WDR64: variants seen among roughly 807,000 people sequenced by gnomAD.
The protein encoded by WDR64 is WD repeat-containing protein 64.
In WDR64, 112 loss-of-function variants were observed where a neutral mutation model predicts 139.3. The ratio of observed to expected loss-of-function variants is 0.80; its 90% CI spans 0.69 to 0.94. The LOEUF is 0.94. WDR64 is among the 40% of genes least tolerant of loss of function. The pLI, the probability that WDR64 is intolerant of heterozygous loss-of-function variation, is 0.00. For missense variants in WDR64, 1,206 were observed against 1,293.1 expected, an observed-to-expected ratio of 0.93 and a Z score of 1.03; for synonymous variants, 444 against 437.7, an observed-to-expected ratio of 1.01 and a Z score of -0.18.
rs1351999720 is a variant in WDR64, at chr1:241,723,170, G to T, written c.1055-127G>T. The T allele has an allele frequency of 8.1e-6, 10 of 1,227,002 alleles. No homozygotes were observed. The Admixed American group carries it at 2.4e-4, about 30-fold the overall frequency. The allele number at this position is 1,227,002 out of a possible 1,614,324, so 76.0% of individuals were successfully genotyped here. ...CTTAGCACATCAATCACAGAATAATGCATCCTGCCAGAAACGGACTGTGAT... is the reference window on the plus strand; with the variant it reads ...CTTAGCACATCAATCACAGAATAATTCATCCTGCCAGAAACGGACTGTGAT... On this transcript the variant is annotated intron_variant, in intron 9 of 27. Transcript: ENST00000437684.
At chr1:241,776,839 C>G (rs1304103025) in intron 21 of WDR64, among the ~76,000 whole-genome samples, 1 of 152,150 alleles carries the variant, frequency 6.6e-6, no homozygotes, top group African/African-American at 2.4e-5. Context: ...TTGCCTATGC[C>G]TAGAATACTT....
intron 2 of WDR64, among the ~76,000 whole-genome samples, chr1:241,666,911 A>G (rs918228195): frequency 3.3e-5 from 5 of 152,214 alleles, no homozygotes; most frequent in Non-Finnish European, 7.3e-5. Flanking sequence ...AGGTCATGTG[A>G]CTAGTAGACA....
chr1:241,677,949 C>T (rs1036409638), intron 4 of WDR64, among the ~76,000 whole-genome samples: 1 of 152,184 alleles, frequency 6.6e-6, no homozygotes, highest in East Asian at 1.9e-4. Context: ...GAAGTGTTAA[C>T]AGCACAGTCA....
At chr1:241,709,652 A>C (rs1164204913) in intron 8 of WDR64, among the ~76,000 whole-genome samples, 1 of 152,144 alleles carries the variant, frequency 6.6e-6, no homozygotes. Flanking sequence ...TGTGAGCCCC[A>C]GTTTTTGTAA....
chr1:241,660,397 T>C (rs1272003710), intron 1 of WDR64, 133 bp from the exon 2 acceptor site: 1 of 1,192,556 alleles, frequency 8.4e-7, no homozygotes, highest in African/African-American at 1.5e-5. Context: ...ACAAGGTCTT[T>C]AAAATGCAAA....
At chr1:241,674,298 AC>A (rs1262421780) in intron 3 of WDR64, among the ~76,000 whole-genome samples, 2 of 121,090 alleles carry the variant, frequency 1.7e-5, no homozygotes, top group Non-Finnish European at 3.2e-5. Flanking sequence ...TCGCTCTGTC[AC>A]CCAGGCTGGA....
intron 23 of WDR64, among the ~76,000 whole-genome samples, chr1:241,785,953 C>T (rs1204668703): frequency 5.9e-5 from 9 of 152,110 alleles, no homozygotes; most frequent in Non-Finnish European, 1.2e-4. Flanking sequence ...TGGGAGAGCT[C>T]CATGCATAGC....
chr1:241,776,279 A>G (rs1318756195), intron 21 of WDR64, among the ~76,000 whole-genome samples: 1 of 151,948 alleles, frequency 6.6e-6, no homozygotes, highest in Non-Finnish European at 1.5e-5. Context: ...GGGTTTTGCT[A>G]TGTTGGCCAG....
At chr1:241,655,706 T>TTC (rs1553359565) in intron 1 of WDR64, among the ~76,000 whole-genome samples, 259 of 145,674 alleles carry the variant, frequency 1.8e-3, no homozygotes, top group African/African-American at 6.3e-3. Flanking sequence ...TTTTCTTTTC[T>TTC]TTTTTTTTTT....
At chr1:241,739,210 G>C (rs1669442160) in intron 11 of WDR64, among the ~76,000 whole-genome samples, 1 of 152,132 alleles carries the variant, frequency 6.6e-6, no homozygotes, top group African/African-American at 2.4e-5. Context: ...AGAAACAAGG[G>C]GCCCTGCTAG....
At chr1:241,674,968 T>TCC (rs1553363038) in intron 4 of WDR64, among the ~76,000 whole-genome samples, 1 of 44,704 alleles carries the variant, frequency 2.2e-5, no homozygotes, top group African/African-American at 6.9e-5. Flanking sequence ...CCTCCCTTCT[T>TCC]TTTCTTTCCT....
intron 8 of WDR64, among the ~76,000 whole-genome samples, chr1:241,707,848 A>G (rs538310050): frequency 6.6e-6 from 1 of 152,350 alleles, no homozygotes; most frequent in East Asian, 1.9e-4. Context: ...AAGTGGAGAC[A>G]CTGTAGCTCA....
intron 22 of WDR64, among the ~76,000 whole-genome samples, chr1:241,780,382 T>C (rs560991446): frequency 6.6e-6 from 1 of 152,230 alleles, no homozygotes; most frequent in Admixed American, 6.5e-5. Flanking sequence ...CACAGTCAGT[T>C]TCTATATCTT....
intron 10 of WDR64, among the ~76,000 whole-genome samples, chr1:241,737,330 C>G (rs537651692): frequency 3.9e-5 from 6 of 152,320 alleles, no homozygotes; most frequent in Admixed American, 2.0e-4. Flanking sequence ...TGAGGACTAA[C>G]TTGCCTTAGC....
At chr1:241,773,507 T>TCACC (rs1658538722) in intron 20 of WDR64, among the ~76,000 whole-genome samples, 1 of 152,226 alleles carries the variant, frequency 6.6e-6, no homozygotes, top group Admixed American at 6.5e-5. Context: ...TCTCTCTCTG[T>TCACC]CACCCAGGCT....
intron 3 of WDR64, 59 bp from the exon 4 acceptor site, chr1:241,674,585 C>A: frequency 1.8e-6 from 2 of 1,136,728 alleles, no homozygotes; most frequent in South Asian, 1.5e-5. Context: ...ACAAATCTAA[C>A]AAATGAGTTT....
chr1:241,768,614 G>T (rs951849237), intron 16 of WDR64, among the ~76,000 whole-genome samples: 1 of 152,148 alleles, frequency 6.6e-6, no homozygotes, highest in Non-Finnish European at 1.5e-5. Context: ...TTTGAGCTTG[G>T]GTTCACTTTC....
chr1:241,699,534 G>C (rs1414165919), intron 8 of WDR64, among the ~76,000 whole-genome samples: 1 of 152,150 alleles, frequency 6.6e-6, no homozygotes, highest in Non-Finnish European at 1.5e-5. Context: ...AGATGTAAGA[G>C]AGGGGTATGA....
Position 241,790,927 on chromosome 1 carries a change from T to C in WDR64, c.2997+231T>C, listed in dbSNP as rs114077124. ...TGAGGTGTCACCTGAGCTGAGTTTC[T>C]TTCTGAAGGTTGTAAGAGAGAAGAC... On this transcript the variant is annotated intron_variant, in intron 25 of 27. Coordinates refer to ENST00000437684, the MANE Select transcript of WDR64 (RefSeq NM_001367482.1). Among the ~76,000 whole-genome samples the C allele has an allele frequency of 7.8e-3, 1,181 of 152,228 alleles. 14 individuals carry two copies. Among genetic ancestry groups the C allele is most frequent in the African/African-American group, 0.027 (1,136 of 41,512 alleles).
Sources: gnomAD v4.1 joint callset for allele counts (sites outside exome capture counted in the v4.1 genomes callset) on GRCh38, gnomAD v4.1.1 for gene constraint, MANE v1.5 for transcripts, NCBI Gene and HGNC (gene_info 2026-07-23, HGNC 2026-07-21) for gene names.